PAG1: variants seen among roughly 807,000 people sequenced by gnomAD.
The protein encoded by PAG1 is phosphoprotein membrane anchor with glycosphingolipid microdomains 1.
A neutral mutation model predicts 31.7 loss-of-function variants in PAG1; 23 were observed. The observed-to-expected ratio is 0.73, with a 90% CI of 0.52 to 1.03. The LOEUF (loss-of-function observed/expected upper bound fraction) is 1.03, where lower values mean the gene tolerates loss of function less well. Ranked by LOEUF, PAG1 falls within the 50% of genes least tolerant of loss-of-function variation. The probability of loss-of-function intolerance (pLI) is 0.00; values close to 1 mark genes in which losing one functional copy is unlikely to be tolerated. For synonymous variants in PAG1, 214 were observed against 210.3 expected, an observed-to-expected ratio of 1.02 and a Z score of -0.15; for missense variants, 473 against 540.7, an observed-to-expected ratio of 0.87 and a Z score of 1.24.
At chr8:81,038,650 C>CATAT (rs2130823362) in intron 2 of PAG1, among the ~76,000 whole-genome samples, 1 of 152,152 alleles carries the variant, frequency 6.6e-6, no homozygotes, top group South Asian at 2.1e-4. Flanking sequence ...GTAATGAGTA[C>CATAT]ATATATATGT....
intron 3 of PAG1, among the ~76,000 whole-genome samples, chr8:80,999,049 G>A (rs1333069405): frequency 6.6e-6 from 1 of 152,182 alleles, no homozygotes; most frequent in African/African-American, 2.4e-5. Flanking sequence ...GGTCCTGTGA[G>A]CACACTGACA....
intron 3 of PAG1, among the ~76,000 whole-genome samples, chr8:81,002,547 C>T (rs1404030170): frequency 1.3e-5 from 2 of 152,194 alleles, no homozygotes; most frequent in Admixed American, 1.3e-4. Flanking sequence ...TTTGTAACAC[C>T]AGTTCACTGT....
intron 2 of PAG1, among the ~76,000 whole-genome samples, chr8:81,065,615 T>C (rs1808991293): frequency 6.6e-6 from 1 of 152,102 alleles, no homozygotes; most frequent in Admixed American, 6.6e-5. Flanking sequence ...AAACTGGATA[T>C]TTAAAATTCC....
chr8:81,062,694 T>G (rs1563647577), intron 2 of PAG1, among the ~76,000 whole-genome samples: 1 of 151,938 alleles, frequency 6.6e-6, no homozygotes, highest in Non-Finnish European at 1.5e-5. Flanking sequence ...AAATCTTTTT[T>G]TTTGTTTGTT....
chr8:80,994,918 C>A (rs951980338), intron 3 of PAG1, among the ~76,000 whole-genome samples: 1 of 152,162 alleles, frequency 6.6e-6, no homozygotes, highest in Non-Finnish European at 1.5e-5. Context: ...AGTGCAATAT[C>A]TTCTTTGAAA....
chr8:81,067,981 C>T (rs1016809639), intron 2 of PAG1, among the ~76,000 whole-genome samples: 1 of 152,216 alleles, frequency 6.6e-6, no homozygotes, highest in Non-Finnish European at 1.5e-5. Context: ...ACTGAAACCT[C>T]TGCCTCCTAG....
chr8:80,980,945 T>C (rs965485685), intron 7 of PAG1, among the ~76,000 whole-genome samples: 3 of 152,234 alleles, frequency 2.0e-5, no homozygotes, highest in Non-Finnish European at 4.4e-5. Context: ...ACTCACATTT[T>C]GTGTCTTGCC....
In PAG1 at chr8:80,980,438, T is replaced by C. The variant is rs767304353; in HGVS notation, c.933A>G (p.Glu311=). 3.2e-6 allele frequency: 5 copies of C among 1,584,196 alleles called. No homozygotes were observed. The highest frequency in any genetic ancestry group is 1.1e-5 in the South Asian group (1 of 90,442). The change falls in exon 8 of 9, where the codon GAA becomes GAG. Residue 311 remains glutamate, a synonymous_variant. Transcript: ENST00000220597. ...SREEDPTLTE[E]EISAMYSSVN... The stretch of plus-strand genomic sequence containing the variant: ...TTTAAAAAGAAACAAAACTTACCTC[T>C]TCTTCTGTGAGAGTGGGGTCTTCTT...
At chr8:81,104,275 G>C (rs1468563532) in intron 1 of PAG1, among the ~76,000 whole-genome samples, 1 of 152,070 alleles carries the variant, frequency 6.6e-6, no homozygotes, top group African/African-American at 2.4e-5. Flanking sequence ...ATCTCATTCT[G>C]CTTTGCCTCT....
rs529998708 is a variant in PAG1 at position 81,111,878 on chromosome 8, C to A, written c.-521G>T. On this transcript the variant is annotated 5_prime_UTR_variant, in exon 1 of 9. Transcript: ENST00000220597. ...CAGCCCCGGAGCGCGGCGCTCCGAG[C>A]CCCTGGTGGGTGTCTCTGGCTCCAA... The A allele has an allele frequency of 6.6e-6, 1 of 152,256 alleles. No individual in the cohort carries two copies. The highest frequency in any genetic ancestry group is 2.4e-5 in the African/African-American group (1 of 41,454). 9.4% of individuals were successfully genotyped at this position (152,256 alleles called of 1,614,324 possible).
At chr8:81,087,942 A>C (rs1208207543) in intron 1 of PAG1, among the ~76,000 whole-genome samples, 4 of 152,258 alleles carry the variant, frequency 2.6e-5, no homozygotes, top group Admixed American at 6.5e-5. Flanking sequence ...TCCTAAATAC[A>C]TATCAAAGAT....
At chr8:81,004,676 A>T (rs1563625670) in intron 3 of PAG1, among the ~76,000 whole-genome samples, 1 of 152,240 alleles carries the variant, frequency 6.6e-6, no homozygotes, top group Non-Finnish European at 1.5e-5. Context: ...TTTCACTTCT[A>T]CCATGTTGCA....
At chr8:81,006,533 A>T (rs1807880293) in intron 3 of PAG1, among the ~76,000 whole-genome samples, 1 of 152,216 alleles carries the variant, frequency 6.6e-6, no homozygotes, top group Non-Finnish European at 1.5e-5. Flanking sequence ...AAACTCCAGA[A>T]GTCCACAGGG....
chr8:81,054,957 T>C (rs990433563), intron 2 of PAG1, among the ~76,000 whole-genome samples: 1 of 152,212 alleles, frequency 6.6e-6, no homozygotes, highest in East Asian at 1.9e-4. Flanking sequence ...GAACCCAATG[T>C]GGCCATTATA....
intron 1 of PAG1, among the ~76,000 whole-genome samples, chr8:81,087,398 T>G (rs969428925): frequency 1.3e-5 from 2 of 151,786 alleles, no homozygotes; most frequent in Admixed American, 1.3e-4. Flanking sequence ...TGACTACATG[T>G]GCCCTTGTAA....
chr8:81,052,552 T>C (rs1808750879), intron 2 of PAG1, among the ~76,000 whole-genome samples: 1 of 152,258 alleles, frequency 6.6e-6, no homozygotes, highest in African/African-American at 2.4e-5. Flanking sequence ...ACTGCTTCTT[T>C]ACATGTCTGA....
intron 1 of PAG1, among the ~76,000 whole-genome samples, chr8:81,084,756 TG>T (rs1296789319): frequency 6.6e-6 from 1 of 152,214 alleles, no homozygotes; most frequent in Non-Finnish European, 1.5e-5. Context: ...TTAAGAGAAC[TG>T]GATGTACATT....
chr8:80,991,369 CT>C (rs1333423292), intron 5 of PAG1, 109 bp downstream of exon 5: 5 of 815,232 alleles, frequency 6.1e-6, no homozygotes, highest in African/African-American at 1.7e-5. Context: ...AGGCTTAGCT[CT>C]CCCCGTGGGT....
intron 2 of PAG1, among the ~76,000 whole-genome samples, chr8:81,045,302 T>G (rs1157206219): frequency 2.0e-5 from 3 of 152,204 alleles, no homozygotes; most frequent in Non-Finnish European, 4.4e-5. Flanking sequence ...ATTTTCAGGT[T>G]GTTATTTTTG....
Sources: gnomAD v4.1 joint callset for allele counts (sites outside exome capture counted in the v4.1 genomes callset) on GRCh38, gnomAD v4.1.1 for gene constraint, MANE v1.5 for transcripts, NCBI Gene and HGNC (gene_info 2026-07-23, HGNC 2026-07-21) for gene names.